Variants in BMPR1B observed in about 807,000 individuals in gnomAD.
BMPR1B encodes bone morphogenetic protein receptor type-1B.
BMPR1B carries 12 observed loss-of-function variants against 59.1 expected under a neutral mutation model. That is an observed-to-expected ratio of 0.20 (90% CI 0.13 to 0.33). BMPR1B has a LOEUF of 0.33. Among genes scored for constraint, BMPR1B ranks in the 10% least tolerant of loss-of-function variants. BMPR1B has a pLI of 1.00. For synonymous variants in BMPR1B, 237 were observed against 207.3 expected (o/e 1.14, Z -1.23); for missense variants, 550 against 610.9 (o/e 0.90, Z 1.05).
chr4:94,803,164 A>G (rs1723474607), intron 1 of BMPR1B, among the ~76,000 whole-genome samples: 1 of 152,160 alleles, frequency 6.6e-6, no homozygotes, highest in African/African-American at 2.4e-5. Context: ...AGAAACCTTG[A>G]ACATCTGGCT....
At chr4:95,148,103 TA>T (rs1734774255) in intron 10 of BMPR1B, among the ~76,000 whole-genome samples, 1 of 152,236 alleles carries the variant, frequency 6.6e-6, no homozygotes, top group Admixed American at 6.5e-5. Context: ...AAAGCTTTTT[TA>T]TATGTCCCAC....
At chr4:94,972,626 AT>A (rs140041797) in intron 2 of BMPR1B, among the ~76,000 whole-genome samples, 22 of 148,036 alleles carry the variant, frequency 1.5e-4, no homozygotes, top group African/African-American at 2.9e-4. Flanking sequence ...GGTTTCTTCC[AT>A]TTTTTTTTTG....
intron 1 of BMPR1B, among the ~76,000 whole-genome samples, chr4:94,762,350 C>G (rs112010257): frequency 1.3e-5 from 2 of 152,088 alleles, no homozygotes; most frequent in African/African-American, 4.8e-5. Context: ...ATTAGGAAAA[C>G]AAGACAGGGT....
At chr4:95,066,057 A>C (rs1727776782) in intron 3 of BMPR1B, among the ~76,000 whole-genome samples, 1 of 152,158 alleles carries the variant, frequency 6.6e-6, no homozygotes, top group Admixed American at 6.5e-5. Context: ...GCTGTTCATA[A>C]TTCTCAGTCT....
rs532677089 is a variant in BMPR1B at position 95,132,237 on chromosome 4, A to G, written c.1076+725A>G. 2.0e-5 allele frequency among the ~76,000 whole-genome samples: 3 copies of G among 152,352 alleles called. No homozygotes were observed. In the South Asian group the frequency reaches 6.2e-4, roughly 32 times the overall value. On this transcript the variant is annotated intron_variant, in intron 10 of 12. Transcript: ENST00000515059. Reference sequence around the variant, plus strand: ...TGCAAACCACTGGTGTAGAGAAATCATCGTATAACTACCTTTTAAAGAACT... The same window carrying G: ...TGCAAACCACTGGTGTAGAGAAATCGTCGTATAACTACCTTTTAAAGAACT...
intron 1 of BMPR1B, among the ~76,000 whole-genome samples, chr4:94,772,386 T>C (rs1722218517): frequency 6.6e-6 from 1 of 152,178 alleles, no homozygotes; most frequent in Admixed American, 6.5e-5. Context: ...AAGAAATCTT[T>C]AGTTTCCAAA....
chr4:95,000,861 A>G (rs1722397005), intron 3 of BMPR1B, among the ~76,000 whole-genome samples: 1 of 152,180 alleles, frequency 6.6e-6, no homozygotes, highest in African/African-American at 2.4e-5. Flanking sequence ...TTATTGTTAG[A>G]AGTTTTTTGC....
chr4:94,758,296 G>C (rs1352113255), intron 1 of BMPR1B, among the ~76,000 whole-genome samples: 2 of 151,214 alleles, frequency 1.3e-5, no homozygotes, highest in Non-Finnish European at 1.5e-5. Flanking sequence ...GCGGCGGGGA[G>C]GGGGTCAGGC....
intron 2 of BMPR1B, among the ~76,000 whole-genome samples, chr4:94,983,380 A>C (rs1339344001): frequency 1.3e-5 from 2 of 152,212 alleles, no homozygotes; most frequent in African/African-American, 4.8e-5. Flanking sequence ...AGCCTACCAC[A>C]TAGCAGTTGC....
intron 2 of BMPR1B, among the ~76,000 whole-genome samples, chr4:94,890,408 G>A (rs1727344071): frequency 6.6e-6 from 1 of 151,996 alleles, no homozygotes; most frequent in East Asian, 1.9e-4. Context: ...ATTGGCAATT[G>A]AAGAATTGAT....
rs534222036 is a variant in BMPR1B, at chr4:94,807,183, C to T, written c.-183+49115C>T. On this transcript the variant is annotated intron_variant, in intron 1 of 12. Transcript: ENST00000515059. ...GATCTCTGCTCACTGCAATCTCTGC[C>T]TCCCAGGCTCAAGCGATCCTCCCAC... Among the ~76,000 whole-genome samples, 13 of 152,214 alleles carry T rather than the reference C, an allele frequency of 8.5e-5. No individual in the cohort carries two copies. In the South Asian group the frequency reaches 2.7e-3, roughly 32 times the overall value.
chr4:95,054,703 G>C (rs1279204084), intron 3 of BMPR1B, among the ~76,000 whole-genome samples: 1 of 152,094 alleles, frequency 6.6e-6, no homozygotes, highest in Non-Finnish European at 1.5e-5. Flanking sequence ...TGCATAAACA[G>C]TATTAAAACA....
intron 3 of BMPR1B, among the ~76,000 whole-genome samples, chr4:95,027,687 A>G (rs1271854187): frequency 6.6e-6 from 1 of 152,196 alleles, no homozygotes; most frequent in Non-Finnish European, 1.5e-5. Context: ...CTTAAATATA[A>G]TAGAACTGTT....
intron 6 of BMPR1B, among the ~76,000 whole-genome samples, chr4:95,119,373 T>C (rs1404113863): frequency 2.0e-5 from 3 of 152,182 alleles, no homozygotes; most frequent in Non-Finnish European, 1.5e-5. Flanking sequence ...ACCTTGAATT[T>C]ATTTTTAACT....
intron 2 of BMPR1B, among the ~76,000 whole-genome samples, chr4:94,925,968 C>T (rs527973948): frequency 6.6e-6 from 1 of 151,280 alleles, no homozygotes; most frequent in Non-Finnish European, 1.5e-5. Flanking sequence ...TTCCTTCCTC[C>T]CCTCCTCCCT....
intron 1 of BMPR1B, among the ~76,000 whole-genome samples, chr4:94,786,504 G>T (rs1251869499): frequency 1.3e-5 from 2 of 151,854 alleles, no homozygotes; most frequent in African/African-American, 4.8e-5. Flanking sequence ...AGGATTATGG[G>T]CATGTGCCAC....
chr4:94,825,882 A>G (rs926548563), intron 1 of BMPR1B, among the ~76,000 whole-genome samples: 4 of 152,338 alleles, frequency 2.6e-5, no homozygotes, highest in African/African-American at 9.6e-5. Context: ...AGAATTAAAA[A>G]TACCACAACA....
chr4:94,761,735 A>C (rs1206411409), intron 1 of BMPR1B, among the ~76,000 whole-genome samples: 2 of 152,168 alleles, frequency 1.3e-5, no homozygotes, highest in Admixed American at 6.5e-5. Flanking sequence ...GGGTATTCAG[A>C]GGATGGTTGG....
chr4:95,090,723 A>G (rs1729917156), intron 3 of BMPR1B, among the ~76,000 whole-genome samples: 1 of 152,078 alleles, frequency 6.6e-6, no homozygotes, highest in African/African-American at 2.4e-5. Flanking sequence ...TATGACAAAT[A>G]TCTCTTAAAT....
Sources: allele counts gnomAD v4.1 joint callset (sites outside exome capture counted in the v4.1 genomes callset), GRCh38; gene constraint gnomAD v4.1.1; transcripts MANE v1.5; gene names NCBI Gene and HGNC (gene_info 2026-07-23, HGNC 2026-07-21).